SMARCA4: variants seen among roughly 807,000 people sequenced by gnomAD.
SMARCA4 encodes SWI/SNF-related matrix-associated actin-dependent regulator of chromatin subfamily A member 4.
SMARCA4 carries 31 observed loss-of-function variants against 193.9 expected under a neutral mutation model. That is an observed-to-expected ratio of 0.16 (90% CI 0.12 to 0.22). The LOEUF is 0.22. Ranked by LOEUF, SMARCA4 falls within the 10% of genes least tolerant of loss-of-function variation. SMARCA4 has a pLI of 1.00. For missense variants in SMARCA4, 1,148 were observed against 2,296.0 expected (o/e 0.50, Z 10.22); for synonymous variants, 942 against 933.1 (o/e 1.01, Z -0.17).
At chr19:10,964,642 CAG>C (rs2084070932) in intron 1 of SMARCA4, among the ~76,000 whole-genome samples, 1 of 139,058 alleles carries the variant, frequency 7.2e-6, no homozygotes, top group South Asian at 2.4e-4. Flanking sequence ...TCTTATGAGA[CAG>C]AGTCATTCTG....
intron 11 of SMARCA4, among the ~76,000 whole-genome samples, chr19:11,002,146 G>A (rs1444866790): frequency 6.6e-6 from 1 of 152,182 alleles, no homozygotes; most frequent in East Asian, 1.9e-4. Context: ...GTGGAAAACT[G>A]TGAAGAGAAA....
intron 1 of SMARCA4, among the ~76,000 whole-genome samples, chr19:10,974,344 A>G (rs889986745): frequency 2.0e-5 from 3 of 152,066 alleles, no homozygotes; most frequent in African/African-American, 7.2e-5. Context: ...AGTTGAAAAT[A>G]ATGAGAACAT....
rs2075131125 is a variant in SMARCA4 at position 11,034,337 on chromosome 19, C to T, written c.3951+137C>T. 4.0e-6 allele frequency: 3 copies of T among 741,140 alleles called. 1 individual carries two copies. Among genetic ancestry groups the T allele is most frequent in the South Asian group, 1.5e-5 (1 of 68,502 alleles). 45.9% of individuals were successfully genotyped at this position (741,140 alleles called of 1,614,324 possible). A position where few individuals can be genotyped will look rare whatever the true frequency, so the allele number is the denominator to read the frequency against. ...GGGACAGCTCACAGTGCAGCCCACT[C>T]CCACCTCCAGACTGACCCGTCTTCC... On this transcript the variant is annotated intron_variant, in intron 28 of 34. Coordinates refer to ENST00000344626, the MANE Select transcript of SMARCA4 (RefSeq NM_003072.5). The surrounding 1 kb of genome is among the most constrained non-coding windows in gnomAD (Gnocchi z 7.0).
intron 7 of SMARCA4, among the ~76,000 whole-genome samples, chr19:10,990,457 T>C (rs897434485): frequency 6.6e-6 from 1 of 152,190 alleles, no homozygotes; most frequent in Non-Finnish European, 1.5e-5. Flanking sequence ...TTTGTATTTT[T>C]AGTAGAGACA....
Position 10,986,944 on chromosome 19 carries a change from G to C in SMARCA4, c.800G>C (p.Gly267Ala), listed in dbSNP as rs746986969. 6.2e-7 allele frequency: 1 copy of C among 1,611,856 alleles called. No homozygotes were observed. The highest frequency in any genetic ancestry group is 8.5e-7 in the Non-Finnish European group (1 of 1,179,958). The change falls in exon 5 of 35, where the codon GGC (glycine) becomes GCC (alanine). Residue 267 changes from glycine (G) to alanine (A), a missense_variant. Physicochemically the swap from Gly to Ala is moderately conservative, Grantham distance 60. Transcript: ENST00000344626. The surrounding 1 kb of genome is among the most constrained non-coding windows in gnomAD (Gnocchi z 6.7). Reference sequence around the variant, plus strand: ...AACATGCCTCCCCCAGGACCCTCGGGCGTGCCCCCCGGGATGCCAGGCCAG... The same window carrying C: ...AACATGCCTCCCCCAGGACCCTCGGCCGTGCCCCCCGGGATGCCAGGCCAG... ...GPNMPPPGPS[G>A]VPPGMPGQPP...
Position 11,053,379 on chromosome 19 carries a change from G to A in SMARCA4, c.4425-4876G>A, listed in dbSNP as rs376969443. Among the ~76,000 whole-genome samples the A allele has an allele frequency of 1.9e-3, 281 of 151,220 alleles. 11 individuals are homozygous for A. The South Asian group carries it at 0.054, about 29-fold the overall frequency. On this transcript the variant is annotated intron_variant, in intron 30 of 34. Coordinates refer to ENST00000344626, the MANE Select transcript of SMARCA4 (RefSeq NM_003072.5). Reference sequence around the variant, plus strand: ...GGTGCCTGTAATCCCAGCTACTCGGGAGGCGGAGGTTTCAGTAAGCCAAGA... The same window carrying A: ...GGTGCCTGTAATCCCAGCTACTCGGAAGGCGGAGGTTTCAGTAAGCCAAGA...
At chr19:11,018,749 C>A (rs945554233) in intron 16 of SMARCA4, 1 of 670,346 alleles carries the variant, frequency 1.5e-6, no homozygotes, top group Non-Finnish European at 2.7e-6. Flanking sequence ...CAGTGGCCTC[C>A]CTTCTGTCCT....
At chr19:11,046,188 A>C (rs998646588) in intron 30 of SMARCA4, among the ~76,000 whole-genome samples, 1 of 150,032 alleles carries the variant, frequency 6.7e-6, no homozygotes, top group African/African-American at 2.5e-5. Context: ...GTGCCACTGC[A>C]CTCCAGCCTG....
intron 20 of SMARCA4, among the ~76,000 whole-genome samples, chr19:11,023,943 C>T (rs1026299126): frequency 1.3e-5 from 2 of 152,234 alleles, no homozygotes; most frequent in African/African-American, 2.4e-5. Context: ...TGCCCCCCGG[C>T]CCCCCATCAT....
chr19:11,014,578 C>T (rs1302585464), intron 16 of SMARCA4, among the ~76,000 whole-genome samples: 1 of 152,156 alleles, frequency 6.6e-6, no homozygotes, highest in Non-Finnish European at 1.5e-5. Context: ...TCCGGCTCTG[C>T]CCACCTCCTG....
intron 30 of SMARCA4, among the ~76,000 whole-genome samples, chr19:11,050,476 T>A (rs907469586): frequency 6.6e-6 from 1 of 152,238 alleles, no homozygotes; most frequent in Non-Finnish European, 1.5e-5. Flanking sequence ...ACGCCAGCAC[T>A]GTGTGCACTG....
At position 11,014,595 on chromosome 19, in the gene SMARCA4, C is replaced by G. The variant is rs188690832; in HGVS notation, c.2438+1483C>G. On this transcript the variant is annotated intron_variant, in intron 16 of 34. Transcript: ENST00000344626. ...CGGCTCTGCCCACCTCCTGGCTCCC[C>G]TCTGCCCTTCTTCCCCTGGAGGCTG... 2.0e-3 allele frequency among the ~76,000 whole-genome samples: 302 copies of G among 152,274 alleles called. 1 individual carries two copies. Among genetic ancestry groups the G allele is most frequent in the Admixed American group, 9.2e-3 (140 of 15,284 alleles).
intron 30 of SMARCA4, among the ~76,000 whole-genome samples, chr19:11,052,826 T>A (rs1167208984): frequency 6.6e-6 from 1 of 152,136 alleles, no homozygotes; most frequent in Non-Finnish European, 1.5e-5. Flanking sequence ...GGGGCTGGCC[T>A]TTCCTTTTCA....
intron 8 of SMARCA4, among the ~76,000 whole-genome samples, chr19:10,992,057 A>C (rs2086603628): frequency 1.3e-5 from 2 of 151,852 alleles, no homozygotes; most frequent in South Asian, 2.1e-4. Flanking sequence ...TATAATTAAT[A>C]TCTTATTGGT....
chr19:11,059,462 T>G (rs1310879664), intron 32 of SMARCA4, among the ~76,000 whole-genome samples: 2 of 152,232 alleles, frequency 1.3e-5, no homozygotes, highest in African/African-American at 4.8e-5. Context: ...ATTGCAGACC[T>G]CAGAGATTGT....
chr19:11,056,762 C>A (rs1170399790), intron 30 of SMARCA4, among the ~76,000 whole-genome samples: 1 of 152,216 alleles, frequency 6.6e-6, no homozygotes, highest in Non-Finnish European at 1.5e-5. Flanking sequence ...TGCACACAAA[C>A]ACCAAACAAG....
intron 11 of SMARCA4, among the ~76,000 whole-genome samples, chr19:10,997,902 G>A (rs1282811718): frequency 6.6e-6 from 1 of 152,224 alleles, no homozygotes; most frequent in Admixed American, 6.5e-5. Context: ...GGACACAGGA[G>A]GTGAACATTG....
intron 30 of SMARCA4, among the ~76,000 whole-genome samples, chr19:11,052,900 T>C (rs2076340147): frequency 1.3e-5 from 2 of 152,128 alleles, no homozygotes; most frequent in Non-Finnish European, 2.9e-5. Context: ...GTCACAGTGC[T>C]CTCATTTCGT....
chr19:11,008,430 T>G, intron 14 of SMARCA4: 1 of 343,020 alleles, frequency 2.9e-6, no homozygotes, highest in South Asian at 2.3e-5. Context: ...CCAGTGTACA[T>G]TGGTGTGCAC....
Sources: gnomAD v4.1 joint callset for allele counts (sites outside exome capture counted in the v4.1 genomes callset) on GRCh38, gnomAD v4.1.1 for gene constraint, Gnocchi (gnomAD v3.1) non-coding constraint, MANE v1.5 for transcripts, NCBI Gene and HGNC (gene_info 2026-07-23, HGNC 2026-07-21) for gene names.